MCC: variants seen among roughly 807,000 people sequenced by gnomAD.
MCC encodes the protein MCC regulator of Wnt signaling pathway.
A neutral mutation model predicts 116.2 loss-of-function variants in MCC; 90 were observed. That is an observed-to-expected ratio of 0.77 (90% CI 0.65 to 0.92). MCC has a LOEUF of 0.92. MCC is among the 40% of genes least tolerant of loss of function. The probability of loss-of-function intolerance (pLI) is 0.00; values close to 1 mark genes in which losing one functional copy is unlikely to be tolerated. For synonymous variants in MCC, 578 were observed against 510.5 expected, an observed-to-expected ratio of 1.13 and a Z score of -1.78; for missense variants, 1,516 against 1,312.2, an observed-to-expected ratio of 1.16 and a Z score of -2.40.
intron 3 of MCC, among the ~76,000 whole-genome samples, chr5:113,189,065 G>T (rs952128087): frequency 6.6e-6 from 1 of 152,154 alleles, no homozygotes; most frequent in Non-Finnish European, 1.5e-5. Context: ...GAGTGAGGCC[G>T]TCTACCAAGC....
chr5:113,288,914 A>T (rs1051538194), intron 3 of MCC, among the ~76,000 whole-genome samples: 1 of 152,234 alleles, frequency 6.6e-6, no homozygotes, highest in Non-Finnish European at 1.5e-5. Context: ...TTAGACAAGC[A>T]TGTCAATATC....
chr5:113,023,087 C>G lies in MCC; in HGVS notation c.*4215G>C, dbSNP rs1350952183. The stretch of plus-strand genomic sequence containing the variant: ...TATATTTTAACAGCCACTGAGAGAT[C>G]AGTGATGCTGTGGTGACAGCAGTCA... On this transcript the variant is annotated 3_prime_UTR_variant, in exon 19 of 19. Coordinates refer to ENST00000408903, the MANE Select transcript of MCC (RefSeq NM_001085377.2). 1 of 152,154 alleles carries G rather than the reference C, an allele frequency of 6.6e-6. No individual in the cohort carries two copies. The highest frequency in any genetic ancestry group is 6.5e-5 in the Admixed American group (1 of 15,272). The allele number at this position is 152,154 out of a possible 1,614,324, so 9.4% of individuals were successfully genotyped here.
intron 3 of MCC, among the ~76,000 whole-genome samples, chr5:113,182,273 C>T (rs1761666076): frequency 6.6e-6 from 1 of 152,216 alleles, no homozygotes; most frequent in Admixed American, 6.5e-5. Context: ...GCCTCTGCAG[C>T]TTGGTATCTG....
At chr5:113,090,972 G>A (rs957191806) in intron 8 of MCC, among the ~76,000 whole-genome samples, 2 of 152,246 alleles carry the variant, frequency 1.3e-5, no homozygotes, top group African/African-American at 2.4e-5. Flanking sequence ...CAGGGGCTGT[G>A]AGCAGGGCAC....
At position 113,217,208 on chromosome 5, in the gene MCC, TTC is replaced by T. The variant is rs369131285; in HGVS notation, c.628-65788_628-65787del. 9.5e-4 allele frequency among the ~76,000 whole-genome samples: 144 copies of T among 151,942 alleles called. 2 individuals carry two copies. Among genetic ancestry groups the T allele is most frequent in the African/African-American group, 3.2e-3 (131 of 41,468 alleles). ...AAAGACCAAACTCCAAAGGAGGAGC[TTC>T]TCTCTCTCTCTCCCATAAAGATTCA... On this transcript the variant is annotated intron_variant, in intron 3 of 18. Transcript: ENST00000408903.
At chr5:113,027,713 T>C (rs1301025847) in intron 18 of MCC, among the ~76,000 whole-genome samples, 1 of 151,778 alleles carries the variant, frequency 6.6e-6, no homozygotes, top group East Asian at 1.9e-4. Flanking sequence ...GCCGGATTGC[T>C]AGAGGCTGGT....
At chr5:113,065,379 T>TAAAAC (rs772909917) in intron 13 of MCC, among the ~76,000 whole-genome samples, 22 of 152,180 alleles carry the variant, frequency 1.4e-4, no homozygotes, top group Admixed American at 5.9e-4. Flanking sequence ...CTTAAAAAAA[T>TAAAAC]AAAACAAAAC....
chr5:113,455,287 G>C (rs3843501), intron 1 of MCC, among the ~76,000 whole-genome samples: 14,574 of 152,148 alleles, frequency 0.096, 1,358 homozygotes, highest in African/African-American at 0.24. Flanking sequence ...CCACCTGCCT[G>C]CTAGCCCATA....
intron 6 of MCC, among the ~76,000 whole-genome samples, chr5:113,105,628 A>T (rs1221635138): frequency 1.3e-5 from 2 of 152,146 alleles, no homozygotes; most frequent in African/African-American, 4.8e-5. Flanking sequence ...AATCCAATTC[A>T]TCTTGTGACC....
chr5:113,225,973 G>T (rs1476942060), intron 3 of MCC, among the ~76,000 whole-genome samples: 1 of 152,256 alleles, frequency 6.6e-6, no homozygotes, highest in Non-Finnish European at 1.5e-5. Context: ...AGGGGTTCCA[G>T]ACCAGACTGG....
intron 5 of MCC, among the ~76,000 whole-genome samples, chr5:113,132,030 A>T (rs1236957688): frequency 1.3e-5 from 2 of 152,182 alleles, no homozygotes; most frequent in East Asian, 3.8e-4. Flanking sequence ...AATAGGTTCA[A>T]CTTTTGAAAA....
chr5:113,155,513 G>C (rs1760125820), intron 3 of MCC, among the ~76,000 whole-genome samples: 2 of 152,170 alleles, frequency 1.3e-5, no homozygotes, highest in African/African-American at 2.4e-5. Flanking sequence ...CAGTGTATAA[G>C]AGTGCCTCCG....
intron 1 of MCC, among the ~76,000 whole-genome samples, chr5:113,419,932 T>G: frequency 6.7e-6 from 1 of 148,812 alleles, no homozygotes; most frequent in Non-Finnish European, 1.5e-5. Flanking sequence ...AATGACGAGT[T>G]AATGGGTGCA....
intron 2 of MCC, among the ~76,000 whole-genome samples, chr5:113,368,223 G>T (rs528251413): frequency 6.6e-6 from 1 of 151,770 alleles, no homozygotes; most frequent in African/African-American, 2.4e-5. Flanking sequence ...TGAATATTTT[G>T]AATTTGTCCT....
At chr5:113,407,392 C>T (rs937412371) in intron 1 of MCC, among the ~76,000 whole-genome samples, 18 of 152,178 alleles carry the variant, frequency 1.2e-4, no homozygotes, top group Admixed American at 1.1e-3. Flanking sequence ...CCTACCTTTG[C>T]TATTTTCTAG....
chr5:113,347,754 C>T (rs1402173993), intron 2 of MCC, among the ~76,000 whole-genome samples: 1 of 151,538 alleles, frequency 6.6e-6, no homozygotes, highest in African/African-American at 2.4e-5. Context: ...TGTAAATGAA[C>T]TAAACTCTAT....
intron 1 of MCC, among the ~76,000 whole-genome samples, chr5:113,469,557 A>T (rs1242883270): frequency 2.6e-5 from 4 of 152,162 alleles, no homozygotes; most frequent in African/African-American, 9.7e-5. Context: ...ACAGTTTGTT[A>T]TAATTTCTGT....
At chr5:113,072,274 C>T (rs1209012580) in intron 11 of MCC, among the ~76,000 whole-genome samples, 1 of 152,166 alleles carries the variant, frequency 6.6e-6, no homozygotes, top group Non-Finnish European at 1.5e-5. Context: ...AGACACTTGC[C>T]AACATGGGAG....
intron 1 of MCC, among the ~76,000 whole-genome samples, chr5:113,457,251 G>C (rs11750488): frequency 0.32 from 48,961 of 152,230 alleles, 9,832 homozygotes; most frequent in African/African-American, 0.55. Context: ...AGCTGGCTGG[G>C]CCTGCAGGCC....
Sources: gnomAD v4.1 joint callset for allele counts (sites outside exome capture counted in the v4.1 genomes callset) on GRCh38, gnomAD v4.1.1 for gene constraint, MANE v1.5 for transcripts, NCBI Gene and HGNC (gene_info 2026-07-23, HGNC 2026-07-21) for gene names.